Variants in ZP3 observed in about 807,000 individuals in gnomAD.
ZP3 encodes zona pellucida glycoprotein 3.
A neutral mutation model predicts 35.6 loss-of-function variants in ZP3; 21 were observed. The ratio of observed to expected loss-of-function variants is 0.59; its 90% CI spans 0.42 to 0.85. The LOEUF (loss-of-function observed/expected upper bound fraction) is 0.85. Among genes scored for constraint, ZP3 ranks in the 40% least tolerant of loss-of-function variants. ZP3 has a pLI of 0.00. For missense variants in ZP3, 437 were observed against 536.5 expected (o/e 0.81, Z 1.83); for synonymous variants, 207 against 214.5 (o/e 0.96, Z 0.31).
intron 1 of ZP3, among the ~76,000 whole-genome samples, chr7:76,404,963 G>C (rs984672456): frequency 4.0e-5 from 6 of 151,516 alleles, no homozygotes; most frequent in African/African-American, 1.5e-4. Flanking sequence ...CCAGCTACTC[G>C]GGAAGCTGAG....
chr7:76,397,957 G>A (rs906054134), intron 1 of ZP3: 1 of 1,004,710 alleles, frequency 1.0e-6, no homozygotes, highest in Middle Eastern at 3.1e-4. Flanking sequence ...GCTGCCCAGG[G>A]TACCGCCTCC....
At position 76,413,613 on chromosome 7, in the gene ZP3, T is replaced by A. The variant is rs934411618; in HGVS notation, c.-66-11439T>A. Among the ~76,000 whole-genome samples the A allele has an allele frequency of 2.2e-3, 314 of 144,400 alleles. 1 individual carries two copies. The highest frequency in any genetic ancestry group is 6.9e-3 in the African/African-American group (263 of 38,372). 94.7% of individuals were successfully genotyped at this position (144,400 alleles called of 152,430 possible). On this transcript the variant is annotated intron_variant, in intron 1 of 8. Transcript: ENST00000336517. Reference sequence around the variant, plus strand: ...ATGATTTCAAAATAAAACTTTTTTTTAAAAAAAAGCCTCAATTGATTTACA... The same window carrying A: ...ATGATTTCAAAATAAAACTTTTTTTAAAAAAAAAGCCTCAATTGATTTACA...
intron 1 of ZP3, among the ~76,000 whole-genome samples, chr7:76,407,606 G>T (rs1005259015): frequency 6.6e-6 from 1 of 152,096 alleles, no homozygotes; most frequent in African/African-American, 2.4e-5. Context: ...GGTGGTGCAT[G>T]CCTGTAATCC....
rs772775993 is a variant in ZP3, at chr7:76,433,489, G to C, written c.555G>C (p.Lys185Asn). 1.1e-5 allele frequency: 18 copies of C among 1,613,450 alleles called. No homozygotes were observed. Among genetic ancestry groups the C allele is most frequent in the Admixed American group, 6.7e-5 (4 of 59,854 alleles). Residue 185 changes from lysine to asparagine, a missense_variant, in exon 4 of 8, where the codon AAG (lysine) becomes AAC (asparagine). Coordinates refer to ENST00000394857, the MANE Select transcript of ZP3 (RefSeq NM_001110354.2). ...TTTCAGAGAACTGGAACGCTGAGAA[G>C]AGGTCCCCCACCTTCCACCTGGGAG... ...RLMEENWNAE[K>N]RSPTFHLGDA...
In ZP3 at chr7:76,406,224, C is replaced by T. The variant is rs559242323; in HGVS notation, c.-67+8427C>T. Among the ~76,000 whole-genome samples the T allele has an allele frequency of 1.4e-4, 22 of 152,172 alleles. No homozygotes were observed. The South Asian group carries it at 2.9e-3, about 20-fold the overall frequency. Reference sequence around the variant, plus strand: ...AACTCCTGACCTCAGGTGATCCACGCGCCTCAGCCTCCCAAAGTGCTGGGA... The same window carrying T: ...AACTCCTGACCTCAGGTGATCCACGTGCCTCAGCCTCCCAAAGTGCTGGGA... On this transcript the variant is annotated intron_variant, in intron 1 of 8. Coordinates refer to the ZP3 transcript ENST00000336517.
upstream of ZP3, among the ~76,000 whole-genome samples, chr7:76,422,234 C>T (rs753607147): frequency 1.3e-5 from 2 of 151,898 alleles, no homozygotes; most frequent in African/African-American, 2.4e-5. Flanking sequence ...TCCCACAGGG[C>T]TAAGTCCAGC....
At chr7:76,401,111 A>AC in intron 1 of ZP3, 1 of 1,469,522 alleles carries the variant, frequency 6.8e-7, no homozygotes, top group Non-Finnish European at 9.0e-7. Context: ...CCAGGAACAC[A>AC]CCCCCCAACT....
upstream of ZP3, among the ~76,000 whole-genome samples, chr7:76,423,029 A>AGAGAG (rs767704641): frequency 0.034 from 1,844 of 55,020 alleles, 42 homozygotes; most frequent in East Asian, 0.089. Flanking sequence ...GAGAGAGAGA[A>AGAGAG]AGAAAGAAAG....
At chr7:76,429,441 G>A in intron 1 of ZP3, 74 bp from the exon 2 acceptor site, 1 of 1,439,910 alleles carries the variant, frequency 6.9e-7, no homozygotes, top group Non-Finnish European at 9.8e-7. Flanking sequence ...TGCCCTCCCT[G>A]AGCACTCAGG....
intron 1 of ZP3, chr7:76,404,337 C>G (rs1014432326): frequency 6.2e-7 from 1 of 1,610,788 alleles, no homozygotes; most frequent in Non-Finnish European, 8.5e-7. Flanking sequence ...AAAGACAGGG[C>G]TTGGGGGAGG....
chr7:76,422,288 C>T (rs1033463057), upstream of ZP3, among the ~76,000 whole-genome samples: 7 of 152,122 alleles, frequency 4.6e-5, no homozygotes, highest in South Asian at 2.1e-4. Flanking sequence ...CCCACCTCCC[C>T]GGCCTCCTAA....
chr7:76,413,641 A>C (rs1332188286), intron 1 of ZP3, among the ~76,000 whole-genome samples: 2 of 152,144 alleles, frequency 1.3e-5, no homozygotes, highest in Non-Finnish European at 2.9e-5. Context: ...GATTTACAAC[A>C]ACAAAACAGA....
chr7:76,410,420 C>T (rs1805211828), intron 1 of ZP3, among the ~76,000 whole-genome samples: 1 of 149,766 alleles, frequency 6.7e-6, no homozygotes, highest in Admixed American at 6.7e-5. Context: ...GGTGTGATCT[C>T]AGCTCACAGC....
chr7:76,430,553 G>C (rs1406782732), intron 2 of ZP3, among the ~76,000 whole-genome samples: 1 of 152,136 alleles, frequency 6.6e-6, no homozygotes, highest in East Asian at 1.9e-4. Flanking sequence ...GGCCAACATG[G>C]TGAAACCCAT....
At chr7:76,415,780 C>G (rs1303905089) in intron 1 of ZP3, among the ~76,000 whole-genome samples, 1 of 151,522 alleles carries the variant, frequency 6.6e-6, no homozygotes, top group East Asian at 2.0e-4. Context: ...CAGGCATGAG[C>G]CACCACACCC....
chr7:76,409,168 G>C (rs1302028945), intron 1 of ZP3, among the ~76,000 whole-genome samples: 1 of 152,066 alleles, frequency 6.6e-6, no homozygotes, highest in Non-Finnish European at 1.5e-5. Flanking sequence ...GCACAGGGTG[G>C]ATACTCAGGA....
At position 76,433,579 on chromosome 7, in the gene ZP3, C is replaced by T. The variant is rs758617633; in HGVS notation, c.645C>T (p.Asp215=). The change falls in exon 4 of 8, where the codon GAC becomes GAT. Residue 215 remains aspartate, a synonymous_variant. Coordinates refer to ENST00000394857, the MANE Select transcript of ZP3 (RefSeq NM_001110354.2). ...GSHVPLRLFV[D]HCVATPTPDQ... ...ACGTGCCACTGCGGTTGTTTGTGGA[C>T]CACTGCGTGGCCACACCGACACCAG... The T allele has an allele frequency of 7.4e-6, 12 of 1,614,202 alleles. No individual in the cohort carries two copies. Among genetic ancestry groups the T allele is most frequent in the Non-Finnish European group, 1.0e-5 (12 of 1,180,032 alleles).
intron 5 of ZP3, among the ~76,000 whole-genome samples, chr7:76,436,729 C>A (rs1412235024): frequency 1.3e-5 from 2 of 152,216 alleles, no homozygotes. Flanking sequence ...GATCAGTGAC[C>A]GATAGCTCCT....
intron 5 of ZP3, among the ~76,000 whole-genome samples, chr7:76,436,923 G>C (rs1806033530): frequency 6.6e-6 from 1 of 152,214 alleles, no homozygotes; most frequent in African/African-American, 2.4e-5. Context: ...CTGTTTAATG[G>C]AAGATAGTCT....
Sources: allele counts gnomAD v4.1 joint callset (sites outside exome capture counted in the v4.1 genomes callset), GRCh38; gene constraint gnomAD v4.1.1; transcripts MANE v1.5; gene names NCBI Gene and HGNC (gene_info 2026-07-23, HGNC 2026-07-21).